The following DGKZ variants were observed in gnomAD, a reference collection of about 807,000 sequenced individuals.
DGKZ encodes the protein diacylglycerol kinase zeta.
DGKZ carries 45 observed loss-of-function variants against 142.5 expected under a neutral mutation model. The ratio of observed to expected loss-of-function variants is 0.32; its 90% CI spans 0.25 to 0.40. DGKZ has a LOEUF of 0.40. Among genes scored for constraint, DGKZ ranks in the 10% least tolerant of loss-of-function variants. The pLI, the probability that DGKZ is intolerant of heterozygous loss-of-function variation, is 1.00. For missense variants in DGKZ, 755 were observed against 1,306.5 expected, an observed-to-expected ratio of 0.58 and a Z score of 6.51; for synonymous variants, 442 against 527.0, an observed-to-expected ratio of 0.84 and a Z score of 2.21.
chr11:46,362,215 G>C (rs2136443695), intron 1 of DGKZ, among the ~76,000 whole-genome samples: 1 of 152,322 alleles, frequency 6.6e-6, no homozygotes, highest in South Asian at 2.1e-4. Flanking sequence ...AGCCTTCACG[G>C]AGCAGAAGGC....
chr11:46,369,445 C>T lies in DGKZ; in HGVS notation c.445-49C>T, dbSNP rs763682728. On this transcript the variant is annotated intron_variant, in intron 4 of 30. Coordinates refer to ENST00000527911, the Ensembl canonical transcript of DGKZ. ...CTGGAGGGAGTGACCACATACCTGA[C>T]CCCGAAGGGAGGTTCTGACATTTTG... is the stretch of plus-strand genomic sequence containing the variant. The T allele has an allele frequency of 1.1e-5, 18 of 1,610,610 alleles. No individual in the cohort carries two copies. In the East Asian group the frequency reaches 4.0e-4, roughly 36 times the overall value.
At chr11:46,346,077 C>T (rs1940583139), upstream of DGKZ, among the ~76,000 whole-genome samples, 1 of 152,160 alleles carries the variant, frequency 6.6e-6, no homozygotes, top group Non-Finnish European at 1.5e-5. Context: ...GGGCTGGAGC[C>T]CCACCTCCCT....
chr11:46,379,202 GC>G lies in DGKZ; in HGVS notation c.2546del (p.Pro849GlnfsTer43). 2.5e-6 allele frequency: 4 copies of G among 1,612,922 alleles called. No homozygotes were observed. Among genetic ancestry groups the G allele is most frequent in the Non-Finnish European group, 2.5e-6 (3 of 1,179,908 alleles). ...TCTGACCACCACCTCCCCTTCTCCA[GC>G]CCCCCCAGAGATCCTTGATGCGGTG... On this transcript the variant is annotated frameshift_variant and splice_region_variant, in exon 29 of 31. Coordinates refer to ENST00000527911, the Ensembl canonical transcript of DGKZ. LOFTEE classifies it high-confidence loss of function.
At chr11:46,366,864 G>A (rs762284648) in intron 1 of DGKZ, 1 of 1,547,770 alleles carries the variant, frequency 6.5e-7, no homozygotes, top group East Asian at 2.4e-5. Context: ...GGGGGCCGAA[G>A]AGCCTCAGGC....
chr11:46,373,331 G>C (rs1256762670), intron 14 of DGKZ, among the ~76,000 whole-genome samples: 1 of 134,548 alleles, frequency 7.4e-6, no homozygotes, highest in Non-Finnish European at 1.5e-5. Context: ...CTGTTACCCA[G>C]GCTGGAGTGC....
chr11:46,376,834 G>A (rs1358258543), intron 24 of DGKZ: 5 of 636,104 alleles, frequency 7.9e-6, no homozygotes, highest in Non-Finnish European at 1.1e-5. Flanking sequence ...AGCCATCCAG[G>A]GAGACACAGA....
intron 8 of DGKZ, 23 bp downstream of exon 8, chr11:46,371,626 A>C: frequency 1.9e-6 from 3 of 1,613,350 alleles, no homozygotes; most frequent in Non-Finnish European, 2.5e-6. Flanking sequence ...TGCACCCTTG[A>C]TGCCCCGTAC....
Position 46,347,930 on chromosome 11 carries a change from T to A in DGKZ, c.161+110T>A, listed in dbSNP as rs1349401528. ...GTCCGGGCCACTTCGGTACTGACAC[T>A]GAGTCGGGGAGAGGCTGGCACCGGC... On this transcript the variant is annotated intron_variant, in intron 1 of 30. Transcript: ENST00000527911. The surrounding 1 kb of genome is among the most constrained non-coding windows in gnomAD (Gnocchi z 6.4). 5.7e-6 allele frequency: 7 copies of A among 1,237,386 alleles called. No individual in the cohort carries two copies. Among genetic ancestry groups the A allele is most frequent in the Non-Finnish European group, 7.1e-6 (7 of 984,690 alleles). The allele number at this position is 1,237,386 out of a possible 1,614,324, so 76.7% of individuals were successfully genotyped here.
At chr11:46,356,778 C>T (rs1039123355) in intron 1 of DGKZ, among the ~76,000 whole-genome samples, 1 of 152,128 alleles carries the variant, frequency 6.6e-6, no homozygotes, top group Non-Finnish European at 1.5e-5. Context: ...ATGACTTAAC[C>T]GCTTTGTCTC....
At chr11:46,352,450 C>A (rs1941516914) in intron 1 of DGKZ, among the ~76,000 whole-genome samples, 1 of 152,238 alleles carries the variant, frequency 6.6e-6, no homozygotes, top group Non-Finnish European at 1.5e-5. Context: ...CGGCCCAGGG[C>A]AGGCTGGGTG....
At chr11:46,370,171 C>T (rs1226416392) in intron 6 of DGKZ, among the ~76,000 whole-genome samples, 162 bp downstream of exon 6, 1 of 152,262 alleles carries the variant, frequency 6.6e-6, no homozygotes, top group African/African-American at 2.4e-5. Flanking sequence ...AGCACCCTGG[C>T]CTGCTCTTGG....
exon 1 of DGKZ, chr11:46,333,049 GC>G: frequency 5.5e-6 from 2 of 360,690 alleles, no homozygotes; most frequent in Non-Finnish European, 9.8e-6. Context: ...CCAGCCAGGA[GC>G]CCCCGCCCCC....
chr11:46,359,296 T>A (rs1245438489), intron 1 of DGKZ, among the ~76,000 whole-genome samples: 1 of 151,110 alleles, frequency 6.6e-6, no homozygotes, highest in African/African-American at 2.4e-5. Context: ...CAAAAAAAAA[T>A]TAGCTGGGCA....
chr11:46,345,169 G>A, upstream of DGKZ: 1 of 917,456 alleles, frequency 1.1e-6, no homozygotes, highest in Non-Finnish European at 1.5e-6. The surrounding 1 kb of genome is among the most constrained non-coding windows in gnomAD (Gnocchi z 4.1). Flanking sequence ...GAGCCCAGGT[G>A]CAGATTCCAG....
intron 14 of DGKZ, among the ~76,000 whole-genome samples, chr11:46,373,492 T>TG (rs1944211968): frequency 1.3e-5 from 2 of 148,578 alleles, no homozygotes; most frequent in African/African-American, 5.1e-5. Flanking sequence ...TCTTGTTTTT[T>TG]TTTTTGTTTT....
At position 46,372,188 on chromosome 11, in the gene DGKZ, T is replaced by G. The variant is rs1336662649; in HGVS notation, c.927+18T>G. 4 of 1,591,142 alleles carry G rather than the reference T, an allele frequency of 2.5e-6. No homozygotes were observed. In the African/African-American group the frequency reaches 4.0e-5, roughly 16 times the overall value. On this transcript the variant is annotated intron_variant, in intron 10 of 30. Coordinates refer to ENST00000527911, the Ensembl canonical transcript of DGKZ. The surrounding 1 kb of genome is among the most constrained non-coding windows in gnomAD (Gnocchi z 5.9). ...GCAACCAGGTGAACGCGGCCTTGCC[T>G]CTCAGCTAAGGGCTCGGGCGGGGGT...
At chr11:46,347,338 AGCGCAGCGGGCGTCCGGCAGAGG>A (rs1940740473), upstream of DGKZ, 2 of 984,726 alleles carry the variant, frequency 2.0e-6, no homozygotes, top group Non-Finnish European at 2.4e-6. The surrounding 1 kb of genome is among the most constrained non-coding windows in gnomAD (Gnocchi z 6.4). Context: ...AGCGGGCTGC[AGCGCAGCGGGCGTCCGGCAGAGG>A]GCGCTGCGGG....
intron 1 of DGKZ, among the ~76,000 whole-genome samples, chr11:46,351,298 C>G (rs1161573587): frequency 6.6e-6 from 1 of 152,180 alleles, no homozygotes; most frequent in African/African-American, 2.4e-5. Context: ...GGCCTCAGAG[C>G]CCCTAGGAGC....
In DGKZ at chr11:46,364,974, T is replaced by C. The variant is rs545314462; in HGVS notation, c.162-2317T>C. On this transcript the variant is annotated intron_variant, in intron 1 of 30. Coordinates refer to ENST00000527911, the Ensembl canonical transcript of DGKZ. The stretch of plus-strand genomic sequence containing the variant: ...GAGATCACCTGCTGTGGGGCACAGG[T>C]GGCCTCAGGTACCTGGAGGCATCGC... 3.0e-6 allele frequency: 3 copies of C among 985,416 alleles called. No homozygotes were observed. In the African/African-American group the frequency reaches 5.2e-5, roughly 17 times the overall value. The allele number at this position is 985,416 out of a possible 1,614,324, so 61.0% of individuals were successfully genotyped here.
Sources: gnomAD v4.1 joint callset for allele counts (sites outside exome capture counted in the v4.1 genomes callset) on GRCh38, gnomAD v4.1.1 for gene constraint, Gnocchi (gnomAD v3.1) non-coding constraint, MANE v1.5 for transcripts, NCBI Gene and HGNC (gene_info 2026-07-23, HGNC 2026-07-21) for gene names.